The following SLC6A15 variants were observed in gnomAD, a reference collection of about 807,000 sequenced individuals.
The protein encoded by SLC6A15 is sodium-dependent neutral amino acid transporter B(0)AT2.
Under a neutral mutation model 68.5 loss-of-function variants are expected in SLC6A15, and 33 were observed. The observed-to-expected ratio is 0.48, with a 90% CI of 0.37 to 0.64. SLC6A15 has a LOEUF of 0.64. Ranked by LOEUF, SLC6A15 falls within the 30% of genes least tolerant of loss-of-function variation. The pLI is 0.00. For synonymous variants in SLC6A15, 347 were observed against 301.0 expected (o/e 1.15, Z -1.58); for missense variants, 747 against 874.3 (o/e 0.85, Z 1.84).
intron 10 of SLC6A15, 110 bp downstream of exon 10, chr12:84,866,924 G>T: frequency 1.0e-6 from 1 of 989,800 alleles, no homozygotes; most frequent in Non-Finnish European, 1.4e-6. Context: ...ATTTTTTAAA[G>T]AATTGTTCCC....
intron 1 of SLC6A15, among the ~76,000 whole-genome samples, chr12:84,904,216 G>T (rs998649551): frequency 5.3e-4 from 25 of 47,064 alleles, no homozygotes; most frequent in African/African-American, 4.6e-3. Context: ...GGGGGGAGGG[G>T]CGGAGGGGGA....
chr12:84,881,404 T>C lies in SLC6A15; in HGVS notation c.756+2455A>G, dbSNP rs1871814397. ...TCTATGGCCACACAAAGCAGCCCTATTCTTCTTTTGGTTTAACTATTTGAA... is the reference window on the plus strand; with the variant it reads ...TCTATGGCCACACAAAGCAGCCCTACTCTTCTTTTGGTTTAACTATTTGAA... On this transcript the variant is annotated intron_variant, in intron 5 of 11. Coordinates refer to ENST00000266682, the MANE Select transcript of SLC6A15 (RefSeq NM_182767.6). The C allele has an allele frequency of 1.2e-5, 12 of 968,998 alleles. No individual in the cohort carries two copies. In the Admixed American group the frequency reaches 7.4e-4, roughly 60 times the overall value. 60.0% of individuals were successfully genotyped at this position (968,998 alleles called of 1,614,324 possible).
chr12:84,895,434 C>T (rs1349653560), intron 1 of SLC6A15, among the ~76,000 whole-genome samples: 1 of 137,138 alleles, frequency 7.3e-6, no homozygotes, highest in Non-Finnish European at 1.5e-5. Context: ...ACCACAACCT[C>T]TGCCTCCCGA....
chr12:84,863,740 G>A (rs1870950253), intron 10 of SLC6A15, 139 bp from the exon 11 acceptor site: 2 of 525,296 alleles, frequency 3.8e-6, no homozygotes, highest in East Asian at 3.7e-5. Flanking sequence ...GTTCCTCTTG[G>A]AAGATGACTA....
intron 1 of SLC6A15, among the ~76,000 whole-genome samples, chr12:84,911,773 G>A (rs971145921): frequency 3.3e-5 from 5 of 152,108 alleles, no homozygotes; most frequent in African/African-American, 1.2e-4. Flanking sequence ...AACGATCTGG[G>A]TTTCTAACTG....
intron 1 of SLC6A15, among the ~76,000 whole-genome samples, chr12:84,908,234 A>C (rs952859727): frequency 1.3e-5 from 2 of 152,166 alleles, no homozygotes; most frequent in Non-Finnish European, 2.9e-5. Flanking sequence ...TACCAACTAC[A>C]TGGGACTCAA....
chr12:84,880,614 G>A (rs1871778240), intron 5 of SLC6A15, among the ~76,000 whole-genome samples: 1 of 152,032 alleles, frequency 6.6e-6, no homozygotes, highest in African/African-American at 2.4e-5. Flanking sequence ...AATAATGAAT[G>A]GGTGAATGAT....
intron 1 of SLC6A15, among the ~76,000 whole-genome samples, chr12:84,910,719 G>T (rs1414487683): frequency 6.6e-6 from 1 of 152,078 alleles, no homozygotes; most frequent in Non-Finnish European, 1.5e-5. Flanking sequence ...CATCGCGCCG[G>T]AACAAGAGCC....
At chr12:84,907,783 TA>T (rs766926094) in intron 1 of SLC6A15, among the ~76,000 whole-genome samples, 7 of 152,174 alleles carry the variant, frequency 4.6e-5, no homozygotes, top group Non-Finnish European at 7.4e-5. Context: ...AACCCTAAAC[TA>T]GAAATAATCC....
At chr12:84,899,978 C>T (rs754932609) in intron 1 of SLC6A15, among the ~76,000 whole-genome samples, 28 of 152,004 alleles carry the variant, frequency 1.8e-4, no homozygotes, top group Non-Finnish European at 3.5e-4. Flanking sequence ...TTTATTTCCA[C>T]ATAATTTTTG....
At position 84,864,540 on chromosome 12, in the gene SLC6A15, G is replaced by A. The variant is rs114307806; in HGVS notation, c.1656-939C>T. ...TCACCATGTTGGTCAGACTGCTCTC[G>A]ATCTCCTGACCTCAAGTGATCTGCC... On this transcript the variant is annotated intron_variant, in intron 10 of 11. Coordinates refer to ENST00000266682, the MANE Select transcript of SLC6A15 (RefSeq NM_182767.6). Among the ~76,000 whole-genome samples, 452 of 151,832 alleles carry A rather than the reference G, an allele frequency of 3.0e-3. 2 individuals carry two copies. Among genetic ancestry groups the A allele is most frequent in the Middle Eastern group, 0.01 (3 of 294 alleles).
At chr12:84,873,576 GT>G (rs1180057716) in intron 6 of SLC6A15, among the ~76,000 whole-genome samples, 5 of 152,188 alleles carry the variant, frequency 3.3e-5, no homozygotes, top group African/African-American at 1.2e-4. Context: ...TTACATGGTG[GT>G]TTTTAAATAT....
At chr12:84,881,565 C>T (rs772967010) in intron 5 of SLC6A15, 5 of 985,286 alleles carry the variant, frequency 5.1e-6, no homozygotes, top group Non-Finnish European at 4.8e-6. Flanking sequence ...TCATACCCCT[C>T]TTTTAATTCA....
At chr12:84,905,651 GTCCCACATTCA>G (rs1342851278) in intron 1 of SLC6A15, among the ~76,000 whole-genome samples, 1 of 152,150 alleles carries the variant, frequency 6.6e-6, no homozygotes, top group Non-Finnish European at 1.5e-5. Context: ...AGATGCTCAA[GTCCCACATTCA>G]TCTGTGGGTC....
Position 84,905,036 on chromosome 12 carries a change from T to C in SLC6A15, c.-189+7487A>G, listed in dbSNP as rs576679789. Reference sequence around the variant, plus strand: ...CACAATCTCTTCAGGCAATAGAAGATGATAGAATAATTTGTATTTCATTTT... The same window carrying C: ...CACAATCTCTTCAGGCAATAGAAGACGATAGAATAATTTGTATTTCATTTT... On this transcript the variant is annotated intron_variant, in intron 1 of 11. Coordinates refer to ENST00000266682, the MANE Select transcript of SLC6A15 (RefSeq NM_182767.6). Among the ~76,000 whole-genome samples, 19 of 152,284 alleles carry C rather than the reference T, an allele frequency of 1.2e-4. No individual in the cohort carries two copies. In the East Asian group the frequency reaches 3.3e-3, roughly 26 times the overall value.
chr12:84,882,976 A>G (rs1294683843), intron 5 of SLC6A15: 1 of 972,474 alleles, frequency 1.0e-6, no homozygotes, highest in Admixed American at 6.2e-5. Context: ...TACTATTGCC[A>G]TTCCTGCTAG....
intron 1 of SLC6A15, among the ~76,000 whole-genome samples, chr12:84,910,190 A>C (rs1873369986): frequency 1.3e-5 from 2 of 152,164 alleles, no homozygotes; most frequent in African/African-American, 4.8e-5. Flanking sequence ...TTAGAATTAT[A>C]AAATAATTTT....
intron 1 of SLC6A15, among the ~76,000 whole-genome samples, chr12:84,907,059 C>T (rs1366051140): frequency 6.6e-6 from 1 of 152,002 alleles, no homozygotes; most frequent in Non-Finnish European, 1.5e-5. Context: ...ACTCTTAAAA[C>T]TCGACCGTTG....
intron 6 of SLC6A15, among the ~76,000 whole-genome samples, chr12:84,875,706 C>T (rs1418444125): frequency 1.0e-4 from 2 of 19,048 alleles, no homozygotes; most frequent in African/African-American, 4.6e-4. Context: ...ATATGAGAAT[C>T]AAAAACGTGG....
Sources: gnomAD v4.1 joint callset for allele counts (sites outside exome capture counted in the v4.1 genomes callset) on GRCh38, gnomAD v4.1.1 for gene constraint, MANE v1.5 for transcripts, NCBI Gene and HGNC (gene_info 2026-07-23, HGNC 2026-07-21) for gene names.